RHOXF2B: variants seen among roughly 807,000 people sequenced by gnomAD.
RHOXF2B encodes Rhox homeobox family member 2B.
RHOXF2B carries 1 observed loss-of-function variant against 9.0 expected under a neutral mutation model. The ratio of observed to expected loss-of-function variants is 0.11; its 90% CI spans 0.04 to 0.53. The LOEUF (loss-of-function observed/expected upper bound fraction) is 0.53, where lower values mean the gene tolerates loss of function less well. RHOXF2B is among the 20% of genes least tolerant of loss of function. The pLI is 0.93. For synonymous variants in RHOXF2B, 10 were observed against 63.7 expected (o/e 0.16, Z 4.02); for missense variants, 22 against 130.1 (o/e 0.17, Z 4.04).
Position 120,077,119 on chromosome X carries a change from G to C in RHOXF2B, c.249C>G (p.Ala83=), listed in dbSNP as rs1555996302. ...CTTCCCATAGGTGGCCAGGAACTCC[G>C]GCGCCGCCGCCATCTTTTTCTTCTC... The part of the protein sequence containing the change: ...GGGEEKDGGG[A]GVPGHLWEGN... Residue 83 remains alanine (A), a synonymous_variant, in exon 2 of 4, where the codon GCC becomes GCG. Coordinates refer to ENST00000371402, the MANE Select transcript of RHOXF2B (RefSeq NM_001099685.3). The C allele has an allele frequency of 7.6e-6, 8 of 1,054,031 alleles. No individual in the cohort carries two copies. The highest frequency in any genetic ancestry group is 1.0e-5 in the Non-Finnish European group (8 of 799,147). 86.9% of individuals were successfully genotyped at this position (1,054,031 alleles called of 1,213,427 possible).
At chrX:120,075,119 TCTCTA>T (rs1467038809) in intron 3 of RHOXF2B, among the ~76,000 whole-genome samples, 2 of 61,539 alleles carry the variant, frequency 3.2e-5, no homozygotes, top group Non-Finnish European at 6.9e-5. Flanking sequence ...CTTTTCGCTA[TCTCTA>T]CCATAATGCA....
chrX:120,073,370 G>GT (rs1317471919), intron 3 of RHOXF2B, among the ~76,000 whole-genome samples: 3 of 27,800 alleles, frequency 1.1e-4, no homozygotes, highest in African/African-American at 4.0e-4. Flanking sequence ...AGAGTACATT[G>GT]TATTTTAAAA....
At chrX:120,075,760 C>CA in intron 3 of RHOXF2B, 140 bp downstream of exon 3, 1 of 676,568 alleles carries the variant, frequency 1.5e-6, no homozygotes, top group Non-Finnish European at 2.4e-6. Flanking sequence ...ACAAAGATCC[C>CA]AAAGTTCAGA....
chrX:120,076,115 C>CAAA (rs781835447), intron 2 of RHOXF2B, among the ~76,000 whole-genome samples, 170 bp from the exon 3 acceptor site: 1 of 1,041 alleles, frequency 9.6e-4, no homozygotes, highest in African/African-American at 3.0e-3. Flanking sequence ...AAGGAGATGC[C>CAAA]AAAAAAAAAA....
At position 120,077,154 on chromosome X, in the gene RHOXF2B, C is replaced by A. The variant is rs1569307918; in HGVS notation, c.214G>T (p.Asp72Tyr). 14 of 1,044,324 alleles carry A rather than the reference C, an allele frequency of 1.3e-5. No homozygotes were observed. The highest frequency in any genetic ancestry group is 1.8e-5 in the Non-Finnish European group (14 of 794,997). The allele number at this position is 1,044,324 out of a possible 1,213,427, so 86.1% of individuals were successfully genotyped here. A position where few individuals can be genotyped will look rare whatever the true frequency, so the allele number is the denominator to read the frequency against. The change falls in exon 2 of 4, where the codon GAT becomes TAT. Residue 72 changes from aspartate (D) to tyrosine (Y), a missense_variant. Asp to Tyr is a radical substitution (Grantham distance 160). Around this residue, in one of 3 missense-constraint regions of RHOXF2B, gnomAD observed 18 missense variants for 43.6 expected, o/e 0.41. Coordinates refer to ENST00000371402, the MANE Select transcript of RHOXF2B (RefSeq NM_001099685.3). ...SAGAQGGEEK[D>Y]GGGEEKDGGG... Reference sequence around the variant, plus strand: ...CCATCTTTTTCTTCTCCGCCGCCATCTTTTTCTTCTCCGCCTTGGGCTCCT... The same window carrying A: ...CCATCTTTTTCTTCTCCGCCGCCATATTTTTCTTCTCCGCCTTGGGCTCCT...
intron 3 of RHOXF2B, among the ~76,000 whole-genome samples, chrX:120,075,462 AC>A: frequency 1.2e-5 from 1 of 86,258 alleles, no homozygotes; most frequent in Non-Finnish European, 2.4e-5. Flanking sequence ...ATGTCAGAAA[AC>A]CCCAGGATGC....
chrX:120,077,076 T>C lies in RHOXF2B; in HGVS notation c.292A>G (p.Ser98Gly). The C allele has an allele frequency of 9.5e-7, 1 of 1,056,516 alleles. No individual in the cohort carries two copies. The highest frequency in any genetic ancestry group is 1.3e-6 in the Non-Finnish European group (1 of 799,878). 87.1% of individuals were successfully genotyped at this position (1,056,516 alleles called of 1,213,427 possible). ...TCCTCAACGTTGCCATCGCTGCCGCTGGTGCCCTCGAGGTTTCCTTCCCAT... is the reference window on the plus strand; with the variant it reads ...TCCTCAACGTTGCCATCGCTGCCGCCGGTGCCCTCGAGGTTTCCTTCCCAT... ...HLWEGNLEGTSGSDGNVEDSD... is the reference protein window; with the variant it reads ...HLWEGNLEGTGGSDGNVEDSD... Residue 98 changes from serine (S) to glycine (G), a missense_variant, in exon 2 of 4, where the codon AGC becomes GGC. Ser to Gly is a moderately conservative substitution (Grantham distance 56). Coordinates refer to ENST00000371402, the MANE Select transcript of RHOXF2B (RefSeq NM_001099685.3).
chrX:120,075,793 AG>A (rs1359689923), intron 3 of RHOXF2B, 106 bp downstream of exon 3: 1 of 437,770 alleles, frequency 2.3e-6, no homozygotes, highest in East Asian at 3.8e-5. Flanking sequence ...TACATGAAAA[AG>A]GCCACAAAAA....
At chrX:120,074,211 TTCA>T (rs1555995930) in intron 3 of RHOXF2B, among the ~76,000 whole-genome samples, 1 of 75,845 alleles carries the variant, frequency 1.3e-5, no homozygotes, top group Admixed American at 1.5e-4. Flanking sequence ...TGGTCAAAGG[TTCA>T]TAAACATAAG....
In RHOXF2B at chrX:120,076,986, GC is replaced by G. The variant is rs1555996257; in HGVS notation, c.381del (p.Leu128TrpfsTer44). On this transcript the variant is annotated frameshift_variant, in exon 2 of 4. Coordinates refer to ENST00000371402, the MANE Select transcript of RHOXF2B (RefSeq NM_001099685.3). LOFTEE classifies it high-confidence loss of function. The stretch of plus-strand genomic sequence containing the variant: ...GGCTGCTGCGCGTTGCCAGGCTCCA[GC>G]CCCCCGACGGCGCCCTGTGGGCGCG... ...QYSRPQGAVG[G>X]LEPGNAQQPN... The G allele has an allele frequency of 5.0e-6, 5 of 1,005,079 alleles. No individual in the cohort carries two copies. The highest frequency in any genetic ancestry group is 6.5e-6 in the Non-Finnish European group (5 of 772,117). 82.8% of individuals were successfully genotyped at this position (1,005,079 alleles called of 1,213,427 possible).
chrX:120,075,770 AC>A, intron 3 of RHOXF2B, 129 bp downstream of exon 3: 1 of 625,681 alleles, frequency 1.6e-6, no homozygotes, highest in Non-Finnish European at 2.7e-6. Flanking sequence ...CAAAGTTCAG[AC>A]CTCATTGCCT....
chrX:120,077,556 C>CTGAGTGGTGT lies in RHOXF2B; in HGVS notation c.-14_-5dup. On this transcript the variant is annotated 5_prime_UTR_variant, in exon 1 of 4. Transcript: ENST00000371402. ...TACACTGGTCCGGAGGCTCCATACC[C>CTGAGTGGTGT]TGAGTGGTGTGGATGGAGCTGTGCA... 7.3e-6 allele frequency: 1 copy of CTGAGTGGTGT among 136,717 alleles called. No individual in the cohort carries two copies. 11.3% of individuals were successfully genotyped at this position (136,717 alleles called of 1,213,427 possible). A position where few individuals can be genotyped will look rare whatever the true frequency, so the allele number is the denominator to read the frequency against.
chrX:120,077,097 C>G lies in RHOXF2B; in HGVS notation c.271G>C (p.Glu91Gln). 9.5e-7 allele frequency: 1 copy of G among 1,056,550 alleles called. No individual in the cohort carries two copies. The highest frequency in any genetic ancestry group is 1.3e-6 in the Non-Finnish European group (1 of 799,884). The allele number at this position is 1,056,550 out of a possible 1,213,427, so 87.1% of individuals were successfully genotyped here. A position where few individuals can be genotyped will look rare whatever the true frequency, so the allele number is the denominator to read the frequency against. The change falls in exon 2 of 4, where the codon GAA (glutamate) becomes CAA (glutamine). Residue 91 changes from glutamate (E) to glutamine (Q), a missense_variant. Coordinates refer to ENST00000371402, the MANE Select transcript of RHOXF2B (RefSeq NM_001099685.3). ...CCGCTGGTGCCCTCGAGGTTTCCTT[C>G]CCATAGGTGGCCAGGAACTCCGGCG... ...GGAGVPGHLW[E>Q]GNLEGTSGSD... is the part of the protein sequence containing the mutation.
chrX:120,077,586 TGC>T lies in RHOXF2B; in HGVS notation c.-36_-35del. On this transcript the variant is annotated 5_prime_UTR_variant, in exon 1 of 4. Transcript: ENST00000371402. ...TGGTGTGGATGGAGCTGTGCACTTC[TGC>T]AGATTCTGAGCTGGGGCCACCACGC... 9.8e-6 allele frequency: 1 copy of T among 101,650 alleles called. No individual in the cohort carries two copies. Among genetic ancestry groups the T allele is most frequent in the Non-Finnish European group, 1.5e-5 (1 of 65,969 alleles). The allele number at this position is 101,650 out of a possible 1,213,427, so 8.4% of individuals were successfully genotyped here.
rs202022237 is a variant in RHOXF2B, at chrX:120,077,067, C to G, written c.301G>C (p.Asp101His). ...EGNLEGTSGS[D>H]GNVEDSDQSE... ...TGGTCGCTGTCCTCAACGTTGCCAT[C>G]GCTGCCGCTGGTGCCCTCGAGGTTT... Residue 101 changes from aspartate to histidine, a missense_variant, in exon 2 of 4, where the codon GAT (aspartate) becomes CAT (histidine). By Grantham distance (81) the Asp-to-His change is moderately conservative. Coordinates refer to ENST00000371402, the MANE Select transcript of RHOXF2B (RefSeq NM_001099685.3). The G allele has an allele frequency of 1.9e-4, 200 of 1,051,732 alleles. 25 individuals carry two copies. The highest frequency in any genetic ancestry group is 2.5e-4 in the Non-Finnish European group (196 of 798,543). 86.7% of individuals were successfully genotyped at this position (1,051,732 alleles called of 1,213,427 possible). A position where few individuals can be genotyped will look rare whatever the true frequency, so the allele number is the denominator to read the frequency against.
chrX:120,075,647 AG>A (rs2057162553), intron 3 of RHOXF2B, among the ~76,000 whole-genome samples: 1 of 100,403 alleles, frequency 1.0e-5, no homozygotes, highest in South Asian at 4.3e-4. Context: ...CAAGGAATAA[AG>A]GAAACAGTTC....
intron 3 of RHOXF2B, among the ~76,000 whole-genome samples, 171 bp from the exon 4 acceptor site, chrX:120,073,016 CT>C (rs1178725922): frequency 1.6e-5 from 1 of 62,337 alleles, no homozygotes; most frequent in Non-Finnish European, 3.0e-5. Context: ...CACCTTTCCC[CT>C]AGTGAGCTCC....
At chrX:120,077,388 AG>A in intron 1 of RHOXF2B, 85 bp downstream of exon 1, 1 of 300,103 alleles carries the variant, frequency 3.3e-6, no homozygotes, top group Non-Finnish European at 5.2e-6. Context: ...GTGGTAGTGC[AG>A]GGGTATCATC....
At position 120,077,119 on chromosome X, in the gene RHOXF2B, G is replaced by A. The variant is rs1555996302; in HGVS notation, c.249C>T (p.Ala83=). The A allele has an allele frequency of 3.8e-6, 4 of 1,054,031 alleles. No individual in the cohort carries two copies. Among genetic ancestry groups the A allele is most frequent in the East Asian group, 4.2e-5 (1 of 24,007 alleles). 86.9% of individuals were successfully genotyped at this position (1,054,031 alleles called of 1,213,427 possible). A position where few individuals can be genotyped will look rare whatever the true frequency, so the allele number is the denominator to read the frequency against. Residue 83 remains alanine (A), a synonymous_variant, in exon 2 of 4, where the codon GCC becomes GCT. Transcript: ENST00000371402. ...CTTCCCATAGGTGGCCAGGAACTCCGGCGCCGCCGCCATCTTTTTCTTCTC... is the reference window on the plus strand; with the variant it reads ...CTTCCCATAGGTGGCCAGGAACTCCAGCGCCGCCGCCATCTTTTTCTTCTC... ...GGGEEKDGGG[A]GVPGHLWEGN... is the part of the protein sequence containing the mutation.
Sources: allele counts gnomAD v4.1 joint callset (sites outside exome capture counted in the v4.1 genomes callset), GRCh38; gene constraint gnomAD v4.1.1; regional missense constraint gnomAD v4.1.1; transcripts MANE v1.5; gene names NCBI Gene and HGNC (gene_info 2026-07-23, HGNC 2026-07-21).